The following RGP1 variants were observed in gnomAD, a reference collection of about 807,000 sequenced individuals.
RGP1 encodes the protein RAB6A-GEF complex partner protein 2.
In RGP1, 28 loss-of-function variants were observed where a neutral mutation model predicts 44.5. The observed-to-expected ratio is 0.63, with a 90% CI of 0.47 to 0.86. RGP1 has a LOEUF of 0.86. RGP1 is among the 40% of genes least tolerant of loss of function. RGP1 has a pLI of 0.00. For missense variants in RGP1, 417 were observed against 490.7 expected (o/e 0.85, Z 1.42); for synonymous variants, 212 against 196.7 (o/e 1.08, Z -0.65).
At position 35,751,404 on chromosome 9, in the gene RGP1, G is replaced by A. The variant is rs760141229; in HGVS notation, c.626G>A (p.Arg209His). Residue 209 changes from arginine to histidine, a missense_variant, in exon 6 of 9, where the codon CGC becomes CAC. By Grantham distance (29) the Arg-to-His change is conservative. Transcript: ENST00000378078. The part of the protein sequence containing the change: ...GERLMAATSC[R>H]SLHLYNISDG... ...CGCCTAATGGCTGCCACATCCTGCC[G>A]CAGCCTCCGTGAGAATTCTTTCAGA... The A allele has an allele frequency of 3.0e-5, 48 of 1,613,810 alleles. No homozygotes were observed. Among genetic ancestry groups the A allele is most frequent in the East Asian group, 8.9e-5 (4 of 44,898 alleles).
the RGP1 span, among the ~76,000 whole-genome samples, chr9:35,787,098 A>C: frequency 2.3e-4 from 22 of 94,754 alleles, no homozygotes; most frequent in African/African-American, 7.8e-4. Flanking sequence ...AGACTCTGTC[A>C]AAAAAAAAAA....
In RGP1 at chr9:35,752,645, C is replaced by T. The variant is rs775719305; in HGVS notation, c.953-6C>T. ...ATGCTTCTACCTTAATCTTTTTCTT[C>T]CATAGTGTCCTTGAAGTGGAGATTG... On this transcript the variant is annotated splice_polypyrimidine_tract_variant and splice_region_variant and intron_variant, in intron 8 of 8. Transcript: ENST00000378078. 3 of 1,601,666 alleles carry T rather than the reference C, an allele frequency of 1.9e-6. No individual in the cohort carries two copies. The East Asian group carries it at 6.7e-5, about 36-fold the overall frequency.
chr9:35,752,942 C>A lies in RGP1; in HGVS notation c.*68C>A. ...CTCAGCACCTGGACTCTAATGGGAC[C>A]CACTTTTTCCACCTGGGGTCCAATG... is the stretch of plus-strand genomic sequence containing the variant. On this transcript the variant is annotated 3_prime_UTR_variant, in exon 9 of 9. Coordinates refer to ENST00000378078, the MANE Select transcript of RGP1 (RefSeq NM_001080496.3). 12 of 1,548,766 alleles carry A rather than the reference C, an allele frequency of 7.7e-6. No homozygotes were observed. Among genetic ancestry groups the A allele is most frequent in the Non-Finnish European group, 1.1e-5 (12 of 1,134,330 alleles).
the RGP1 span, among the ~76,000 whole-genome samples, chr9:35,765,945 C>T: frequency 6.6e-6 from 1 of 151,206 alleles, no homozygotes; most frequent in South Asian, 2.1e-4. Flanking sequence ...CGCCATTCTC[C>T]TGCCTCAGCC....
chr9:35,767,923 C>T, the RGP1 span, among the ~76,000 whole-genome samples: 1 of 152,046 alleles, frequency 6.6e-6, no homozygotes, highest in Non-Finnish European at 1.5e-5. Flanking sequence ...GTGCCTCAGC[C>T]TGAGTAGCTG....
At chr9:35,775,516 C>G in the RGP1 span, among the ~76,000 whole-genome samples, 1 of 152,118 alleles carries the variant, frequency 6.6e-6, no homozygotes, top group African/African-American at 2.4e-5. Context: ...CAGTTTTCTG[C>G]CAGTGCCTCC....
Position 35,753,637 on chromosome 9 carries a change from T to C in RGP1, c.*763T>C. The stretch of plus-strand genomic sequence containing the variant: ...AGTCACTCATATCAGAGTCATTCTC[T>C]CTGGCCATCTTTGGTCACTCACGTG... On this transcript the variant is annotated 3_prime_UTR_variant, in exon 9 of 9. Coordinates refer to ENST00000378078, the MANE Select transcript of RGP1 (RefSeq NM_001080496.3). This position sits in a 1 kb window ranked among gnomAD's most constrained non-coding sequence, Gnocchi z 4.2. 6.3e-7 allele frequency: 1 copy of C among 1,582,798 alleles called. No individual in the cohort carries two copies.
the RGP1 span, among the ~76,000 whole-genome samples, chr9:35,785,806 TTGAC>T: frequency 6.6e-6 from 1 of 152,182 alleles, no homozygotes; most frequent in East Asian, 1.9e-4. Flanking sequence ...ACCCCTGCCT[TTGAC>T]TGTTTTTCGT....
chr9:35,769,793 T>G, the RGP1 span, among the ~76,000 whole-genome samples: 1 of 152,186 alleles, frequency 6.6e-6, no homozygotes, highest in Admixed American at 6.5e-5. Flanking sequence ...ATGGGGCACC[T>G]TGAAATTCAG....
the RGP1 span, among the ~76,000 whole-genome samples, chr9:35,778,432 C>G: frequency 6.6e-6 from 1 of 152,324 alleles, no homozygotes; most frequent in African/African-American, 2.4e-5. Context: ...CGTTTTAAAG[C>G]ATAATTAAAT....
rs1827342265 is a variant in RGP1, at chr9:35,755,289, CG to C, written c.*2416del. The C allele has an allele frequency of 6.6e-6, 1 of 152,214 alleles. No homozygotes were observed. Among genetic ancestry groups the C allele is most frequent in the African/African-American group, 2.4e-5 (1 of 41,440 alleles). 9.4% of individuals were successfully genotyped at this position (152,214 alleles called of 1,614,324 possible). ...AGTGCTCTTATCACCATCTCTGGTG[CG>C]TAAGCGTCAGGAAATAGCAGTTGCT... is the stretch of plus-strand genomic sequence containing the variant. On this transcript the variant is annotated 3_prime_UTR_variant, in exon 9 of 9. Transcript: ENST00000378078.
chr9:35,788,015 C>T, the RGP1 span, among the ~76,000 whole-genome samples: 1 of 152,152 alleles, frequency 6.6e-6, no homozygotes, highest in Non-Finnish European at 1.5e-5. Context: ...ACCTGAGGAT[C>T]CAGATTCAGC....
At chr9:35,751,569 A>G (rs1256189648) in intron 6 of RGP1, 58 bp from the exon 7 acceptor site, 2 of 1,609,878 alleles carry the variant, frequency 1.2e-6, no homozygotes, top group Non-Finnish European at 1.7e-6. Flanking sequence ...TGTGGTGCCC[A>G]GTCCTAGACG....
In RGP1 at chr9:35,753,425, A is replaced by G; in HGVS notation, c.*551A>G. The G allele has an allele frequency of 2.2e-6, 2 of 896,732 alleles. No individual in the cohort carries two copies. Among genetic ancestry groups the G allele is most frequent in the Non-Finnish European group, 3.3e-6 (2 of 601,200 alleles). 55.5% of individuals were successfully genotyped at this position (896,732 alleles called of 1,614,324 possible). A position where few individuals can be genotyped will look rare whatever the true frequency, so the allele number is the denominator to read the frequency against. ...CCTCCTAACTAAGCTGTCACCTACC[A>G]TATGTGGGCCTTTTTGTTTTATAAC... On this transcript the variant is annotated 3_prime_UTR_variant, in exon 9 of 9. Transcript: ENST00000378078. The surrounding 1 kb of genome is among the most constrained non-coding windows in gnomAD (Gnocchi z 4.2).
At chr9:35,752,488 C>A (rs1193458664) in intron 8 of RGP1, among the ~76,000 whole-genome samples, 163 bp from the exon 9 acceptor site, 1 of 152,144 alleles carries the variant, frequency 6.6e-6, no homozygotes, top group Non-Finnish European at 1.5e-5. Flanking sequence ...GTGGTAGTAC[C>A]CATTGCTTCA....
chr9:35,751,267 C>G lies in RGP1; in HGVS notation c.489C>G (p.Gly163=). 1 of 1,613,916 alleles carries G rather than the reference C, an allele frequency of 6.2e-7. No homozygotes were observed. The highest frequency in any genetic ancestry group is 8.5e-7 in the Non-Finnish European group (1 of 1,179,824). The change falls in exon 6 of 9, where the codon GGC becomes GGG. Residue 163 remains glycine, a splice_region_variant and synonymous_variant. Coordinates refer to ENST00000378078, the MANE Select transcript of RGP1 (RefSeq NM_001080496.3). ...RVPLRVLVLT[G]LQDVRFPQDE... is the part of the protein sequence containing the mutation. ...CCTCTCCACTCATTCTTTCTCTAGGCCTTCAGGATGTCCGGTTTCCCCAGG... is the reference window on the plus strand; with the variant it reads ...CCTCTCCACTCATTCTTTCTCTAGGGCTTCAGGATGTCCGGTTTCCCCAGG...
the RGP1 span, among the ~76,000 whole-genome samples, chr9:35,764,069 T>C: frequency 6.6e-6 from 1 of 151,624 alleles, no homozygotes; most frequent in Non-Finnish European, 1.5e-5. Flanking sequence ...TAGTGAGCCA[T>C]GATCATGCCA....
Position 35,749,731 on chromosome 9 carries a change from T to A in RGP1, c.-19-6T>A. 12 of 1,561,466 alleles carry A rather than the reference T, an allele frequency of 7.7e-6. No homozygotes were observed. The highest frequency in any genetic ancestry group is 1.1e-5 in the Non-Finnish European group (12 of 1,133,686). ...CTGACCTCCGCCCCGCCTTGTTTCC[T>A]TCTAGATCTGATTCCGGAGCTGCCA... On this transcript the variant is annotated splice_polypyrimidine_tract_variant and splice_region_variant and intron_variant, in intron 1 of 8. Transcript: ENST00000378078. This position sits in a 1 kb window ranked among gnomAD's most constrained non-coding sequence, Gnocchi z 4.4.
At position 35,753,042 on chromosome 9, in the gene RGP1, G is replaced by C; in HGVS notation, c.*168G>C. 6.3e-7 allele frequency: 1 copy of C among 1,588,152 alleles called. No individual in the cohort carries two copies. Among genetic ancestry groups the C allele is most frequent in the South Asian group, 1.1e-5 (1 of 89,488 alleles). On this transcript the variant is annotated 3_prime_UTR_variant, in exon 9 of 9. Coordinates refer to ENST00000378078, the MANE Select transcript of RGP1 (RefSeq NM_001080496.3). The surrounding 1 kb of genome is among the most constrained non-coding windows in gnomAD (Gnocchi z 4.2). ...TCAGAATACATTGGCAGCTGCTAGT[G>C]GTTTCCCTGGAAGTGGCAGCAGCAG... is the stretch of plus-strand genomic sequence containing the variant.
Sources: gnomAD v4.1 joint callset for allele counts (sites outside exome capture counted in the v4.1 genomes callset) on GRCh38, gnomAD v4.1.1 for gene constraint, Gnocchi (gnomAD v3.1) non-coding constraint, MANE v1.5 for transcripts, NCBI Gene and HGNC (gene_info 2026-07-23, HGNC 2026-07-21) for gene names.